Variants in NCAM2 observed in about 807,000 individuals in gnomAD.
NCAM2 encodes the protein neural cell adhesion molecule 2.
Under a neutral mutation model 98.1 loss-of-function variants are expected in NCAM2, and 30 were observed. The ratio of observed to expected loss-of-function variants is 0.31; its 90% CI spans 0.23 to 0.41. The LOEUF is 0.41. NCAM2 is among the 10% of genes least tolerant of loss of function. The pLI is 1.00. For synonymous variants in NCAM2, 368 were observed against 342.4 expected (o/e 1.07, Z -0.83); for missense variants, 867 against 1,005.8 (o/e 0.86, Z 1.87).
chr21:21,486,282 C>T (rs1170806493), intron 15 of NCAM2, among the ~76,000 whole-genome samples: 2 of 107,168 alleles, frequency 1.9e-5, no homozygotes, highest in East Asian at 3.0e-4. Context: ...CCAGCCTGGG[C>T]AACAGAGCGA....
intron 1 of NCAM2, among the ~76,000 whole-genome samples, chr21:21,263,032 G>A (rs1452167832): frequency 2.0e-5 from 3 of 151,982 alleles, no homozygotes; most frequent in Non-Finnish European, 4.4e-5. Flanking sequence ...ATGAGATTTG[G>A]GTGGGGACAC....
chr21:21,288,877 T>C (rs1438134540), intron 4 of NCAM2, among the ~76,000 whole-genome samples: 1 of 151,922 alleles, frequency 6.6e-6, no homozygotes, highest in Non-Finnish European at 1.5e-5. Context: ...GCTATGCTTT[T>C]GATTGTAGCT....
intron 1 of NCAM2, among the ~76,000 whole-genome samples, chr21:21,151,203 T>C (rs1413715422): frequency 6.6e-6 from 1 of 152,030 alleles, no homozygotes; most frequent in East Asian, 1.9e-4. Context: ...ATCTGGAGGA[T>C]TTAGTCATAT....
intron 9 of NCAM2, among the ~76,000 whole-genome samples, chr21:21,390,153 T>G (rs1205882624): frequency 6.6e-6 from 1 of 152,130 alleles, no homozygotes; most frequent in South Asian, 2.1e-4. Context: ...ACCTGGCTAT[T>G]ATTTTTTTTT....
chr21:21,123,334 T>C (rs991702443), intron 1 of NCAM2, among the ~76,000 whole-genome samples: 3 of 151,728 alleles, frequency 2.0e-5, no homozygotes, highest in Non-Finnish European at 4.4e-5. Flanking sequence ...GAGGCGGAGC[T>C]TGCAGTGAGT....
chr21:21,263,014 A>G (rs1007271738), intron 1 of NCAM2, among the ~76,000 whole-genome samples: 1 of 152,100 alleles, frequency 6.6e-6, no homozygotes, highest in African/African-American at 2.4e-5. Context: ...AACATGTGGG[A>G]ATTCAATATG....
intron 5 of NCAM2, among the ~76,000 whole-genome samples, chr21:21,322,604 C>G (rs1347507025): frequency 6.6e-6 from 1 of 152,030 alleles, no homozygotes; most frequent in Non-Finnish European, 1.5e-5. Context: ...AGTATACTTC[C>G]TGGCTGTGCT....
chr21:21,511,748 T>C (rs1988398661), intron 16 of NCAM2, among the ~76,000 whole-genome samples: 1 of 152,012 alleles, frequency 6.6e-6, no homozygotes, highest in Admixed American at 6.6e-5. Flanking sequence ...CTTCACATCA[T>C]CATCTGGATT....
intron 1 of NCAM2, among the ~76,000 whole-genome samples, chr21:21,130,964 A>G (rs1304371837): frequency 6.6e-6 from 1 of 152,198 alleles, no homozygotes; most frequent in African/African-American, 2.4e-5. Flanking sequence ...ATACTAAACT[A>G]AAAAACAGAG....
At chr21:21,325,671 AG>A (rs1386614903) in intron 6 of NCAM2, among the ~76,000 whole-genome samples, 1 of 152,218 alleles carries the variant, frequency 6.6e-6, no homozygotes, top group Non-Finnish European at 1.5e-5. Flanking sequence ...ATCACAGAAA[AG>A]CTACTGAATC....
At chr21:21,035,381 TAGAG>T (rs1401359492) in intron 1 of NCAM2, among the ~76,000 whole-genome samples, 1 of 152,142 alleles carries the variant, frequency 6.6e-6, no homozygotes, top group Non-Finnish European at 1.5e-5. Context: ...ATAAATCAGG[TAGAG>T]AGAAAGGTAA....
At chr21:21,486,267 G>A (rs1025291034) in intron 15 of NCAM2, among the ~76,000 whole-genome samples, 9 of 119,624 alleles carry the variant, frequency 7.5e-5, no homozygotes, top group East Asian at 5.2e-4. Context: ...TCGCGCCACT[G>A]CACTCCAGCC....
chr21:21,044,817 T>C (rs540705301), intron 1 of NCAM2, among the ~76,000 whole-genome samples: 1 of 151,672 alleles, frequency 6.6e-6, no homozygotes, highest in Non-Finnish European at 1.5e-5. Context: ...ATAAAAAAAT[T>C]TGTTGGGCAT....
At chr21:21,451,564 C>G (rs965221859) in intron 12 of NCAM2, among the ~76,000 whole-genome samples, 1 of 152,046 alleles carries the variant, frequency 6.6e-6, no homozygotes, top group African/African-American at 2.4e-5. Flanking sequence ...TCCTCTAAAG[C>G]ACAGTCTTAA....
In NCAM2 at chr21:21,335,604, T is replaced by C. The variant is rs768734534; in HGVS notation, c.837T>C (p.Tyr279=). 6.8e-6 allele frequency: 11 copies of C among 1,612,254 alleles called. No individual in the cohort carries two copies. Among genetic ancestry groups the C allele is most frequent in the Non-Finnish European group, 8.5e-6 (10 of 1,179,060 alleles). Residue 279 remains tyrosine, a synonymous_variant, in exon 7 of 18, where the codon TAT becomes TAC. Coordinates refer to ENST00000400546, the MANE Select transcript of NCAM2 (RefSeq NM_004540.5). ...TAATCAATAGTGATGGTGGTCCTTA[T>C]GTCTGCAGGGCCACAAATAAGGCAG... ...RNIINSDGGP[Y]VCRATNKAGE... is the part of the protein sequence containing the mutation.
Position 21,174,208 on chromosome 21 carries a change from C to T in NCAM2, c.56-106370C>T, listed in dbSNP as rs186037331. Among the ~76,000 whole-genome samples, 642 of 152,274 alleles carry T rather than the reference C, an allele frequency of 4.2e-3. 3 individuals are homozygous for T. The highest frequency in any genetic ancestry group is 0.014 in the African/African-American group (594 of 41,548). ...CAAGTGCTGGGATTACAGGTGTGAG[C>T]CGCTGCGCCTGGCCAACAAAACCTT... is the stretch of plus-strand genomic sequence containing the variant. On this transcript the variant is annotated intron_variant, in intron 1 of 17. Transcript: ENST00000400546.
At chr21:21,476,525 A>T (rs1337251732) in intron 14 of NCAM2, among the ~76,000 whole-genome samples, 2 of 152,034 alleles carry the variant, frequency 1.3e-5, no homozygotes, top group Non-Finnish European at 2.9e-5. Context: ...ACAACCCAAT[A>T]ATCACACTGT....
At chr21:21,036,354 C>T (rs965327883) in intron 1 of NCAM2, among the ~76,000 whole-genome samples, 5 of 152,136 alleles carry the variant, frequency 3.3e-5, no homozygotes, top group Non-Finnish European at 5.9e-5. Context: ...TTCTCTTTCT[C>T]TCCCATCATT....
intron 5 of NCAM2, among the ~76,000 whole-genome samples, chr21:21,322,482 A>G (rs1351733130): frequency 6.6e-6 from 1 of 152,162 alleles, no homozygotes; most frequent in Non-Finnish European, 1.5e-5. Context: ...AGTAAAGAGA[A>G]AAAAAGGGTT....
Sources: gnomAD v4.1 joint callset for allele counts (sites outside exome capture counted in the v4.1 genomes callset) on GRCh38, gnomAD v4.1.1 for gene constraint, MANE v1.5 for transcripts, NCBI Gene and HGNC (gene_info 2026-07-23, HGNC 2026-07-21) for gene names.